Variants in TOR1AIP2 observed in about 807,000 individuals in gnomAD.
The protein encoded by TOR1AIP2 is torsin 1A interacting protein 2.
A neutral mutation model predicts 32.6 loss-of-function variants in TOR1AIP2; 20 were observed. The observed-to-expected ratio is 0.61, with a 90% confidence interval of 0.43 to 0.89. The LOEUF (loss-of-function observed/expected upper bound fraction) is 0.89. Ranked by LOEUF, TOR1AIP2 falls within the 40% of genes least tolerant of loss-of-function variation. The probability of loss-of-function intolerance (pLI) is 0.00; values close to 1 mark genes in which losing one functional copy is unlikely to be tolerated. For missense variants in TOR1AIP2, 456 were observed against 553.8 expected, an observed-to-expected ratio of 0.82 and a Z score of 1.77; for synonymous variants, 214 against 210.8, an observed-to-expected ratio of 1.02 and a Z score of -0.13.
At chr1:179,849,803 T>C (rs1336852723) in intron 5 of TOR1AIP2, among the ~76,000 whole-genome samples, 1 of 152,256 alleles carries the variant, frequency 6.6e-6, no homozygotes, top group Non-Finnish European at 1.5e-5. Context: ...ACAGATCACA[T>C]TCATTCATTT....
chr1:179,864,980 C>A (rs758216918), intron 3 of TOR1AIP2: 1 of 1,613,966 alleles, frequency 6.2e-7, no homozygotes, highest in Non-Finnish European at 8.5e-7. Context: ...TGGGAAAGAC[C>A]AAGGAAGAAC....
intron 5 of TOR1AIP2, among the ~76,000 whole-genome samples, chr1:179,848,384 A>G (rs1269104911): frequency 1.3e-5 from 2 of 152,230 alleles, no homozygotes; most frequent in Admixed American, 1.3e-4. Flanking sequence ...CAGAGGCACT[A>G]AGTTCTAAGA....
chr1:179,865,113 C>T, intron 3 of TOR1AIP2: 1 of 1,613,934 alleles, frequency 6.2e-7, no homozygotes, highest in Non-Finnish European at 8.5e-7. Flanking sequence ...AACCAGTGGC[C>T]TAGTTCTAAA....
At chr1:179,847,676 A>G in intron 5 of TOR1AIP2, 40 bp from the exon 6 acceptor site, 1 of 1,301,366 alleles carries the variant, frequency 7.7e-7, no homozygotes, top group East Asian at 2.3e-5. Flanking sequence ...TAGGCAGTAC[A>G]CTAATGACAG....
rs2148419787 is a variant in TOR1AIP2 at position 179,844,798 on chromosome 1, G to A, written c.*1273C>T. ...TTACATAATGTTCCATCACTGCATA[G>A]AAATAAACTGGTAAAGTTATGCCAA... On this transcript the variant is annotated 3_prime_UTR_variant, in exon 7 of 7. Coordinates refer to ENST00000609928, the MANE Select transcript of TOR1AIP2 (RefSeq NM_001199260.2). 1 of 152,208 alleles carries A rather than the reference G, an allele frequency of 6.6e-6. No homozygotes were observed. The highest frequency in any genetic ancestry group is 2.1e-4 in the South Asian group (1 of 4,814). 9.4% of individuals were successfully genotyped at this position (152,208 alleles called of 1,614,324 possible).
In TOR1AIP2 at chr1:179,845,561, A is replaced by G. The variant is rs1695870111; in HGVS notation, c.*510T>C. 6.6e-6 allele frequency: 1 copy of G among 152,628 alleles called. No homozygotes were observed. Among genetic ancestry groups the G allele is most frequent in the Non-Finnish European group, 1.5e-5 (1 of 68,394 alleles). The allele number at this position is 152,628 out of a possible 1,614,324, so 9.5% of individuals were successfully genotyped here. On this transcript the variant is annotated 3_prime_UTR_variant, in exon 7 of 7. Coordinates refer to ENST00000609928, the MANE Select transcript of TOR1AIP2 (RefSeq NM_001199260.2). ...CATACTACTCAAAACTGCAAAATTA[A>G]TATAAGATATAATCCCGTAACTTTA...
chr1:179,858,754 G>T (rs1034442353), intron 3 of TOR1AIP2, among the ~76,000 whole-genome samples: 3 of 152,124 alleles, frequency 2.0e-5, no homozygotes, highest in African/African-American at 7.2e-5. Flanking sequence ...AACAAAATCA[G>T]AGCTGGGAGA....
intron 3 of TOR1AIP2, chr1:179,864,057 C>T: frequency 1.0e-6 from 1 of 985,424 alleles, no homozygotes; most frequent in African/African-American, 1.7e-5. Flanking sequence ...AATTCAGTCA[C>T]CACAAAGACA....
Position 179,865,684 on chromosome 1 carries a change from T to A in TOR1AIP2, c.-395A>T, listed in dbSNP as rs1027620546. ...TGCCGTTGTAACACACGTACCCAAG[T>A]CTTAAGGCCTTGGCACTTTATAGCA... is the stretch of plus-strand genomic sequence containing the variant. On this transcript the variant is annotated 5_prime_UTR_variant, in exon 3 of 7. Transcript: ENST00000609928. The A allele has an allele frequency of 1.3e-5, 2 of 154,136 alleles. No individual in the cohort carries two copies. Among genetic ancestry groups the A allele is most frequent in the Non-Finnish European group, 2.9e-5 (2 of 69,182 alleles). The allele number at this position is 154,136 out of a possible 1,614,324, so 9.5% of individuals were successfully genotyped here.
rs986591901 is a variant in TOR1AIP2, at chr1:179,844,986, C to T, written c.*1085G>A. The T allele has an allele frequency of 2.0e-5, 3 of 152,146 alleles. No homozygotes were observed. Among genetic ancestry groups the T allele is most frequent in the African/African-American group, 7.2e-5 (3 of 41,448 alleles). 9.4% of individuals were successfully genotyped at this position (152,146 alleles called of 1,614,324 possible). A position where few individuals can be genotyped will look rare whatever the true frequency, so the allele number is the denominator to read the frequency against. ...CAGAGGGGACAGAAATGACGATTAACAGAAATGAACAAAAGCATCAGAGAC... is the reference window on the plus strand; with the variant it reads ...CAGAGGGGACAGAAATGACGATTAATAGAAATGAACAAAAGCATCAGAGAC... On this transcript the variant is annotated 3_prime_UTR_variant, in exon 7 of 7. Transcript: ENST00000609928.
At position 179,850,837 on chromosome 1, in the gene TOR1AIP2, T is replaced by C; in HGVS notation, c.553+8A>G. The C allele has an allele frequency of 6.2e-7, 1 of 1,611,122 alleles. No homozygotes were observed. The highest frequency in any genetic ancestry group is 1.3e-5 in the African/African-American group (1 of 74,972). ...AAAACAGGAGAGTAGTTCAGGGGGTTCTCTTACCTGGGGCCAGCAGTCGCC... is the reference window on the plus strand; with the variant it reads ...AAAACAGGAGAGTAGTTCAGGGGGTCCTCTTACCTGGGGCCAGCAGTCGCC... On this transcript the variant is annotated splice_region_variant and intron_variant, in intron 5 of 6. Transcript: ENST00000609928.
intron 2 of TOR1AIP2, among the ~76,000 whole-genome samples, chr1:179,869,907 C>G (rs1208292840): frequency 6.6e-6 from 1 of 152,206 alleles, no homozygotes; most frequent in Non-Finnish European, 1.5e-5. Context: ...GTAGCTAACA[C>G]TTATGGAGTG....
chr1:179,850,326 A>G (rs1364324734), intron 5 of TOR1AIP2, among the ~76,000 whole-genome samples: 2 of 152,198 alleles, frequency 1.3e-5, no homozygotes, highest in East Asian at 3.8e-4. Flanking sequence ...CTCTTAACAT[A>G]TAGGCAGAAA....
chr1:179,870,858 G>A (rs145833246), intron 2 of TOR1AIP2, among the ~76,000 whole-genome samples: 17 of 152,268 alleles, frequency 1.1e-4, no homozygotes, highest in African/African-American at 4.1e-4. Context: ...CTATCATTAG[G>A]TTTTTAGAAA....
At chr1:179,846,921 C>T in intron 6 of TOR1AIP2, 93 bp from the exon 7 acceptor site, 3 of 1,377,524 alleles carry the variant, frequency 2.2e-6, no homozygotes, top group Non-Finnish European at 2.9e-6. Flanking sequence ...GAGATACCAG[C>T]AGGTTTTACT....
At chr1:179,865,003 A>C in intron 3 of TOR1AIP2, 1 of 1,614,070 alleles carries the variant, frequency 6.2e-7, no homozygotes, top group South Asian at 1.1e-5. Flanking sequence ...GGCTTCTATT[A>C]GCAGGATTAT....
chr1:179,851,431 C>T (rs1178080218), intron 4 of TOR1AIP2, 68 bp from the exon 5 acceptor site: 3 of 1,178,232 alleles, frequency 2.5e-6, no homozygotes, highest in Non-Finnish European at 2.3e-6. Context: ...TTAACAAGGT[C>T]CCTGTTTAAT....
At position 179,842,332 on chromosome 1, in the gene TOR1AIP2, C is replaced by T. The variant is rs1695747158; in HGVS notation, c.*3739G>A. The stretch of plus-strand genomic sequence containing the variant: ...TTATTAACCACCATACACTTGGGGG[C>T]TTCCAAATGAAATGTATTGAAATGT... On this transcript the variant is annotated 3_prime_UTR_variant, in exon 7 of 7. Transcript: ENST00000609928. 6.6e-6 allele frequency: 1 copy of T among 152,192 alleles called. No homozygotes were observed. The highest frequency in any genetic ancestry group is 1.9e-4 in the East Asian group (1 of 5,206). 9.4% of individuals were successfully genotyped at this position (152,192 alleles called of 1,614,324 possible).
rs199719283 is a variant in TOR1AIP2 at position 179,860,079 on chromosome 1, C to T, written c.-147+5357G>A. ...CTCAGGCTTGTTTTGAACTCCTGGG[C>T]TCAAGCCATCCTCCTGCCTCAGCCT... On this transcript the variant is annotated intron_variant, in intron 3 of 6. Coordinates refer to ENST00000609928, the MANE Select transcript of TOR1AIP2 (RefSeq NM_001199260.2). 3.7e-5 allele frequency: 35 copies of T among 934,072 alleles called. No individual in the cohort carries two copies. The East Asian group carries it at 4.0e-3, about 106-fold the overall frequency. 57.9% of individuals were successfully genotyped at this position (934,072 alleles called of 1,614,324 possible). A position where few individuals can be genotyped will look rare whatever the true frequency, so the allele number is the denominator to read the frequency against.
Sources: allele counts gnomAD v4.1 joint callset (sites outside exome capture counted in the v4.1 genomes callset), GRCh38; gene constraint gnomAD v4.1.1; transcripts MANE v1.5; gene names NCBI Gene and HGNC (gene_info 2026-07-23, HGNC 2026-07-21).